Variants in TNFRSF8 observed in about 807,000 individuals in gnomAD.
TNFRSF8 encodes TNF receptor superfamily member 8, also known as tumor necrosis factor receptor superfamily member 8.
TNFRSF8 carries 26 observed loss-of-function variants against 70.8 expected under a neutral mutation model. The observed-to-expected ratio is 0.37, with a 90% CI of 0.27 to 0.51. The LOEUF (loss-of-function observed/expected upper bound fraction) is 0.51. Among genes scored for constraint, TNFRSF8 ranks in the 20% least tolerant of loss-of-function variants. The pLI is 0.94. For synonymous variants in TNFRSF8, 356 were observed against 339.2 expected (o/e 1.05, Z -0.54); for missense variants, 720 against 807.9 (o/e 0.89, Z 1.32).
At chr1:12,103,614 C>T (rs1454419515) in intron 3 of TNFRSF8, among the ~76,000 whole-genome samples, 2 of 152,016 alleles carry the variant, frequency 1.3e-5, no homozygotes, top group African/African-American at 4.8e-5. Context: ...GGACTACAGG[C>T]ATGTGCTACC....
intron 12 of TNFRSF8, among the ~76,000 whole-genome samples, chr1:12,128,601 C>T (rs759475615): frequency 3.3e-5 from 5 of 152,128 alleles, no homozygotes; most frequent in South Asian, 2.1e-4. Flanking sequence ...AGCCGTAGGA[C>T]GGGGATTTTA....
At chr1:12,087,366 C>A (rs1269483780) in intron 2 of TNFRSF8, among the ~76,000 whole-genome samples, 1 of 152,016 alleles carries the variant, frequency 6.6e-6, no homozygotes, top group Non-Finnish European at 1.5e-5. Flanking sequence ...TGGGGTTTCA[C>A]CGTGTTGGCC....
rs976642429 is a variant in TNFRSF8 at position 12,088,427 on chromosome 1, C to T, written c.151+3876C>T. 2.4e-4 allele frequency among the ~76,000 whole-genome samples: 36 copies of T among 152,062 alleles called. No homozygotes were observed. Among genetic ancestry groups the T allele is most frequent in the African/African-American group, 7.5e-4 (31 of 41,470 alleles). ...GCCACATGCGTATCAGTGGCTCAGC[C>T]GGGCCGTGAACATGACCACCGAGTG... is the stretch of plus-strand genomic sequence containing the variant. On this transcript the variant is annotated intron_variant, in intron 2 of 14. Coordinates refer to ENST00000263932, the MANE Select transcript of TNFRSF8 (RefSeq NM_001243.5). The surrounding 1 kb of genome is among the most constrained non-coding windows in gnomAD (Gnocchi z 4.0).
rs1271527008 is a variant in TNFRSF8 at position 12,117,551 on chromosome 1, TCA to T, written c.946+1826_946+1827del. ...TCACCCTGAAATGGAGGCTGCCAGC[TCA>T]CACTCTCCGCCCATGGGCCCAGGGT... is the stretch of plus-strand genomic sequence containing the variant. On this transcript the variant is annotated intron_variant, in intron 8 of 14. Coordinates refer to ENST00000263932, the MANE Select transcript of TNFRSF8 (RefSeq NM_001243.5). 1.3e-5 allele frequency among the ~76,000 whole-genome samples: 2 copies of T among 152,124 alleles called. 1 individual carries two copies. The highest frequency in any genetic ancestry group is 2.9e-5 in the Non-Finnish European group (2 of 68,006).
chr1:12,133,448 A>G (rs1453724125), intron 12 of TNFRSF8, among the ~76,000 whole-genome samples: 1 of 152,116 alleles, frequency 6.6e-6, no homozygotes, highest in African/African-American at 2.4e-5. Context: ...GTCATTGAAA[A>G]GAATGTGCCT....
intron 2 of TNFRSF8, among the ~76,000 whole-genome samples, chr1:12,084,797 C>T (rs556441522): frequency 4.6e-5 from 7 of 152,160 alleles, no homozygotes; most frequent in African/African-American, 1.4e-4. Flanking sequence ...TTATTTTTAA[C>T]GTAGAGCTGC....
rs1352557911 is a variant in TNFRSF8 at position 12,138,340 on chromosome 1, C to T, written c.1447C>T (p.Leu483=). The T allele has an allele frequency of 1.5e-5, 24 of 1,613,694 alleles. No individual in the cohort carries two copies. Among genetic ancestry groups the T allele is most frequent in the East Asian group, 2.2e-5 (1 of 44,878 alleles). ...CGTGGGGGCAGCCTACCTGGAGAGCCTGCCGCTGCAGGATGCCAGCCCGGC... is the reference window on the plus strand; with the variant it reads ...CGTGGGGGCAGCCTACCTGGAGAGCTTGCCGCTGCAGGATGCCAGCCCGGC... The part of the protein sequence containing the change: ...HSVGAAYLES[L]PLQDASPAGG... Residue 483 remains leucine (L), a synonymous_variant, in exon 14 of 15, where the codon CTG becomes TTG. Transcript: ENST00000263932. This position sits in a 1 kb window ranked among gnomAD's most constrained non-coding sequence, Gnocchi z 5.7.
Position 12,141,786 on chromosome 1 carries a change from T to C in TNFRSF8, c.1544-501T>C, listed in dbSNP as rs1358549270. ...CACCAGGCGGAGTGGGTGGTTTTTT[T>C]TTGGGGGATTTCTCCTAACTACGTG... On this transcript the variant is annotated intron_variant, in intron 14 of 14. Transcript: ENST00000263932. This position sits in a 1 kb window ranked among gnomAD's most constrained non-coding sequence, Gnocchi z 5.4. 1.3e-5 allele frequency among the ~76,000 whole-genome samples: 2 copies of C among 152,134 alleles called. No individual in the cohort carries two copies. Among genetic ancestry groups the C allele is most frequent in the Admixed American group, 6.5e-5 (1 of 15,280 alleles).
chr1:12,075,142 G>A (rs1481357763), intron 1 of TNFRSF8, among the ~76,000 whole-genome samples: 1 of 152,064 alleles, frequency 6.6e-6, no homozygotes, highest in Non-Finnish European at 1.5e-5. Flanking sequence ...TACTCGGGAG[G>A]CTGAGGCAGG....
Position 12,112,854 on chromosome 1 carries a change from T to C in TNFRSF8, c.793+840T>C, listed in dbSNP as rs188902732. Among the ~76,000 whole-genome samples the C allele has an allele frequency of 6.6e-6, 1 of 152,256 alleles. No individual in the cohort carries two copies. The highest frequency in any genetic ancestry group is 1.9e-4 in the East Asian group (1 of 5,178). ...TGCTCAGGCCACAGGCTGCTGTGAC[T>C]GTTAGAGGCCCTGGCTATTCACGGA... On this transcript the variant is annotated intron_variant, in intron 7 of 14. Transcript: ENST00000263932. This position sits in a 1 kb window ranked among gnomAD's most constrained non-coding sequence, Gnocchi z 5.3.
In TNFRSF8 at chr1:12,132,825, G is replaced by A. The variant is rs1018122163; in HGVS notation, c.1310-2763G>A. Among the ~76,000 whole-genome samples the A allele has an allele frequency of 3.4e-5, 4 of 119,302 alleles. No homozygotes were observed. In the East Asian group the frequency reaches 7.2e-4, roughly 22 times the overall value. The allele number at this position is 119,302 out of a possible 152,430, so 78.3% of individuals were successfully genotyped here. On this transcript the variant is annotated intron_variant, in intron 12 of 14. Transcript: ENST00000263932. ...TACACTCCAGCCTCGGTGACAGAGC[G>A]AGACTCCATCTCAAAAAAAAAAAAA...
In TNFRSF8 at chr1:12,110,101, C is replaced by G; in HGVS notation, c.573C>G (p.Thr191=). 6.2e-7 allele frequency: 1 copy of G among 1,613,516 alleles called. No homozygotes were observed. The highest frequency in any genetic ancestry group is 8.5e-7 in the Non-Finnish European group (1 of 1,179,744). The change falls in exon 6 of 15, where the codon ACC becomes ACG. Residue 191 remains threonine, a synonymous_variant. Coordinates refer to ENST00000263932, the MANE Select transcript of TNFRSF8 (RefSeq NM_001243.5). The surrounding 1 kb of genome is among the most constrained non-coding windows in gnomAD (Gnocchi z 4.0). ...CCCCAGCAACCTCCAGTGCCAGCAC[C>G]ATGCCTGTAAGAGGGGGCACCCGCC... ...PVSPATSSAS[T]MPVRGGTRLA...
chr1:12,116,854 C>T (rs1641740831), intron 8 of TNFRSF8, among the ~76,000 whole-genome samples: 1 of 152,020 alleles, frequency 6.6e-6, no homozygotes. Flanking sequence ...TCTGTGAGGG[C>T]TGCCAGAGAA....
intron 13 of TNFRSF8, among the ~76,000 whole-genome samples, chr1:12,136,522 G>T (rs1050780254): frequency 6.6e-6 from 1 of 151,886 alleles, no homozygotes; most frequent in Non-Finnish European, 1.5e-5. Flanking sequence ...AGTGGCACAC[G>T]CCTGTAGTCC....
At position 12,108,673 on chromosome 1, in the gene TNFRSF8, C is replaced by T. The variant is rs981466339; in HGVS notation, c.422-893C>T. Among the ~76,000 whole-genome samples, 1 of 152,070 alleles carries T rather than the reference C, an allele frequency of 6.6e-6. No individual in the cohort carries two copies. The highest frequency in any genetic ancestry group is 1.5e-5 in the Non-Finnish European group (1 of 68,006). ...CTGTCTCTACTAAAAATTAGCCGGG[C>T]GTGGTTGCAGGCACCTGTAATCCCA... On this transcript the variant is annotated intron_variant, in intron 4 of 14. Transcript: ENST00000263932. This position sits in a 1 kb window ranked among gnomAD's most constrained non-coding sequence, Gnocchi z 4.0.
chr1:12,098,407 C>A (rs544161022), intron 3 of TNFRSF8, among the ~76,000 whole-genome samples: 2 of 152,044 alleles, frequency 1.3e-5, no homozygotes, highest in Non-Finnish European at 1.5e-5. Flanking sequence ...ATTGCCCTCC[C>A]CAGCCCTCCA....
intron 1 of TNFRSF8, among the ~76,000 whole-genome samples, chr1:12,065,289 G>A (rs1640718768): frequency 6.6e-6 from 1 of 151,834 alleles, no homozygotes; most frequent in African/African-American, 2.4e-5. Flanking sequence ...CACCATGTTG[G>A]TCAGTCTGGT....
At chr1:12,083,323 C>T (rs534178895) in intron 1 of TNFRSF8, among the ~76,000 whole-genome samples, 22 of 152,256 alleles carry the variant, frequency 1.4e-4, no homozygotes, top group East Asian at 1.3e-3. Context: ...AAAGCGTGTA[C>T]GTTTGGACAC....
In TNFRSF8 at chr1:12,141,892, C is replaced by T. The variant is rs1382128990; in HGVS notation, c.1544-395C>T. Among the ~76,000 whole-genome samples, 2 of 152,166 alleles carry T rather than the reference C, an allele frequency of 1.3e-5. No homozygotes were observed. Among genetic ancestry groups the T allele is most frequent in the African/African-American group, 4.8e-5 (2 of 41,448 alleles). On this transcript the variant is annotated intron_variant, in intron 14 of 14. Transcript: ENST00000263932. This position sits in a 1 kb window ranked among gnomAD's most constrained non-coding sequence, Gnocchi z 5.4. ...GGGAATCTTGATGGGGTCCGCCTTGCAGGAGGGCTGGGGACCCAGGAGTGG... is the reference window on the plus strand; with the variant it reads ...GGGAATCTTGATGGGGTCCGCCTTGTAGGAGGGCTGGGGACCCAGGAGTGG...
Sources: allele counts gnomAD v4.1 joint callset (sites outside exome capture counted in the v4.1 genomes callset), GRCh38; gene constraint gnomAD v4.1.1; non-coding constraint Gnocchi (gnomAD v3.1); transcripts MANE v1.5; gene names NCBI Gene and HGNC (gene_info 2026-07-23, HGNC 2026-07-21).